The following RADIL variants were observed in gnomAD, a reference collection of about 807,000 sequenced individuals.
RADIL encodes the protein Rap associating with DIL domain.
RADIL carries 99 observed loss-of-function variants against 97.6 expected under a neutral mutation model. That is an observed-to-expected ratio of 1.01 (90% confidence interval 0.86 to 1.20). The LOEUF is 1.20. RADIL is among the 50% of genes most tolerant of loss of function. The probability of loss-of-function intolerance (pLI) is 0.00; values close to 1 mark genes in which losing one functional copy is unlikely to be tolerated. For missense variants in RADIL, 1,765 were observed against 1,498.9 expected (o/e 1.18, Z -2.93); for synonymous variants, 803 against 691.8 (o/e 1.16, Z -2.52).
intron 2 of RADIL, among the ~76,000 whole-genome samples, chr7:4,871,332 G>C (rs996833251): frequency 1.3e-5 from 2 of 152,236 alleles, no homozygotes; most frequent in African/African-American, 4.8e-5. Flanking sequence ...ACCACAAAGA[G>C]GTTTGCGGAC....
chr7:4,848,547 A>G (rs1033230034), intron 2 of RADIL, among the ~76,000 whole-genome samples: 3 of 152,170 alleles, frequency 2.0e-5, no homozygotes, highest in African/African-American at 7.2e-5. Context: ...AAGAATGGAC[A>G]AGCAAGAAGG....
intron 2 of RADIL, among the ~76,000 whole-genome samples, chr7:4,863,884 A>G (rs376148848): frequency 1.6e-4 from 25 of 152,210 alleles, no homozygotes; most frequent in African/African-American, 5.5e-4. Context: ...AGACTGGCCA[A>G]TGCCTCTAGG....
chr7:4,833,853 T>C (rs755226002), intron 4 of RADIL, among the ~76,000 whole-genome samples: 18 of 152,176 alleles, frequency 1.2e-4, no homozygotes, highest in Non-Finnish European at 2.4e-4. Context: ...AGGGCGGTCC[T>C]GCTCACTGGC....
rs760558313 is a variant in RADIL, at chr7:4,816,475, G to C, written c.1729-10C>G. 1 of 1,594,960 alleles carries C rather than the reference G, an allele frequency of 6.3e-7. No individual in the cohort carries two copies. Among genetic ancestry groups the C allele is most frequent in the South Asian group, 1.1e-5 (1 of 89,976 alleles). ...GGCAGATGTACAGGGACTGGCGGGG[G>C]CAAGAGGAGAACAGCAACCAGCATT... On this transcript the variant is annotated splice_polypyrimidine_tract_variant and intron_variant, in intron 7 of 14. Coordinates refer to ENST00000399583, the MANE Select transcript of RADIL (RefSeq NM_018059.5).
rs1050681548 is a variant in RADIL at position 4,835,865 on chromosome 7, C to T, written c.783+493G>A. On this transcript the variant is annotated intron_variant, in intron 3 of 14. Transcript: ENST00000399583. The surrounding 1 kb of genome is among the most constrained non-coding windows in gnomAD (Gnocchi z 5.8). ...CCCTGCGCCTGGCATTTGCTCGGGGCGACAGCCTGCCTGCTCTGATGGAAG... is the reference window on the plus strand; with the variant it reads ...CCCTGCGCCTGGCATTTGCTCGGGGTGACAGCCTGCCTGCTCTGATGGAAG... 2.0e-5 allele frequency among the ~76,000 whole-genome samples: 3 copies of T among 152,208 alleles called. No homozygotes were observed. Among genetic ancestry groups the T allele is most frequent in the Non-Finnish European group, 2.9e-5 (2 of 68,036 alleles).
At position 4,830,893 on chromosome 7, in the gene RADIL, C is replaced by T. The variant is rs542296724; in HGVS notation, c.1454+1248G>A. Among the ~76,000 whole-genome samples the T allele has an allele frequency of 2.5e-4, 38 of 152,024 alleles. No individual in the cohort carries two copies. The East Asian group carries it at 6.4e-3, about 26-fold the overall frequency. On this transcript the variant is annotated intron_variant, in intron 5 of 14. Transcript: ENST00000399583. The stretch of plus-strand genomic sequence containing the variant: ...AAAATTAGCTGGCCGTGGTGGCGGG[C>T]GCCTGTAGTCCCAGCTACTCGGGAG...
chr7:4,878,126 G>T lies in RADIL; in HGVS notation c.14C>A (p.Thr5Lys). 1.3e-6 allele frequency: 2 copies of T among 1,559,294 alleles called. No homozygotes were observed. Among genetic ancestry groups the T allele is most frequent in the Non-Finnish European group, 8.7e-7 (1 of 1,153,036 alleles). Residue 5 changes from threonine to lysine, a missense_variant, in exon 2 of 15, where the codon ACG (threonine) becomes AAG (lysine). By Grantham distance (78) the Thr-to-Lys change is moderately conservative. Coordinates refer to ENST00000399583, the MANE Select transcript of RADIL (RefSeq NM_018059.5). The surrounding 1 kb of genome is among the most constrained non-coding windows in gnomAD (Gnocchi z 4.1). ...GGTGGGCGGGGACATGATGAAGTGC[G>T]TCCCATAAAACATGGTGGGTGAGGC... MFYG[T>K]HFIMSPPTKS...
Position 4,871,603 on chromosome 7 carries a change from C to T in RADIL, c.535+6002G>A, listed in dbSNP as rs375357142. 2.2e-4 allele frequency among the ~76,000 whole-genome samples: 33 copies of T among 152,344 alleles called. 1 individual carries two copies. The East Asian group carries it at 3.9e-3, about 18-fold the overall frequency. The stretch of plus-strand genomic sequence containing the variant: ...GGCAGCCCACCACGCCGCCAGGTGG[C>T]CAGGGCTGCAGGTTCCTCTGTCGCT... On this transcript the variant is annotated intron_variant, in intron 2 of 14. Transcript: ENST00000399583.
rs1180575258 is a variant in RADIL at position 4,797,290 on chromosome 7, T to A, written c.*2088A>T. 1 of 152,294 alleles carries A rather than the reference T, an allele frequency of 6.6e-6. No individual in the cohort carries two copies. Among genetic ancestry groups the A allele is most frequent in the Non-Finnish European group, 1.5e-5 (1 of 68,066 alleles). 9.4% of individuals were successfully genotyped at this position (152,294 alleles called of 1,614,324 possible). On this transcript the variant is annotated 3_prime_UTR_variant, in exon 15 of 15. Coordinates refer to ENST00000399583, the MANE Select transcript of RADIL (RefSeq NM_018059.5). ...TCCTTGGGGTGATGCCAAGAGCTTC[T>A]TTCCATGGATGCTGAGTTCCAGGAG...
intron 2 of RADIL, among the ~76,000 whole-genome samples, chr7:4,838,241 G>A (rs1031394803): frequency 1.3e-5 from 2 of 151,968 alleles, no homozygotes; most frequent in African/African-American, 2.4e-5. Flanking sequence ...TCCCACAAGC[G>A]TTACCAGCCC....
chr7:4,860,376 C>G (rs1291009485), intron 2 of RADIL: 1 of 1,613,964 alleles, frequency 6.2e-7, no homozygotes, highest in Non-Finnish European at 8.5e-7. Flanking sequence ...ATACCCATCT[C>G]AAACATCTTA....
At chr7:4,856,045 G>C (rs995766010) in intron 2 of RADIL, among the ~76,000 whole-genome samples, 1 of 151,818 alleles carries the variant, frequency 6.6e-6, no homozygotes, top group African/African-American at 2.4e-5. Context: ...CTGGCCTCAA[G>C]TGATCCGCTC....
chr7:4,813,109 C>A lies in RADIL; in HGVS notation c.2139+2169G>T. 7.2e-6 allele frequency among the ~76,000 whole-genome samples: 1 copy of A among 139,784 alleles called. No individual in the cohort carries two copies. Among genetic ancestry groups the A allele is most frequent in the East Asian group, 2.0e-4 (1 of 5,118 alleles). 91.7% of individuals were successfully genotyped at this position (139,784 alleles called of 152,430 possible). On this transcript the variant is annotated intron_variant, in intron 9 of 14. Transcript: ENST00000399583. The surrounding 1 kb of genome is among the most constrained non-coding windows in gnomAD (Gnocchi z 5.0). Reference sequence around the variant, plus strand: ...CTCTCTCTCTCTCTCTCTTTCCTTTCTTTCTTTCTTTTCTTTCTTTCATAG... The same window carrying A: ...CTCTCTCTCTCTCTCTCTTTCCTTTATTTCTTTCTTTTCTTTCTTTCATAG...
At chr7:4,812,761 T>G (rs1562432453) in intron 9 of RADIL, among the ~76,000 whole-genome samples, 1 of 152,166 alleles carries the variant, frequency 6.6e-6, no homozygotes, top group Non-Finnish European at 1.5e-5. Context: ...CTGGCTTTAT[T>G]GCTTATCTCA....
chr7:4,799,676 T>TG lies in RADIL; in HGVS notation c.3075_3076insC (p.Ile1026HisfsTer82). The TG allele has an allele frequency of 6.3e-7, 1 of 1,593,966 alleles. No individual in the cohort carries two copies. The highest frequency in any genetic ancestry group is 8.5e-7 in the Non-Finnish European group (1 of 1,171,426). On this transcript the variant is annotated frameshift_variant, in exon 14 of 15. Transcript: ENST00000399583. LOFTEE classifies it high-confidence loss of function. ...AGGCTGCTGCCATTCACCTCCAGGA[T>TG]ACGGTCCCCCAGCGACAGGCGCCCG...
rs868330093 is a variant in RADIL, at chr7:4,817,533, C to T, written c.1616-182G>A. Among the ~76,000 whole-genome samples, 2 of 152,286 alleles carry T rather than the reference C, an allele frequency of 1.3e-5. No homozygotes were observed. The highest frequency in any genetic ancestry group is 3.4e-3 in the Middle Eastern group (1 of 294). On this transcript the variant is annotated intron_variant, in intron 6 of 14. Coordinates refer to ENST00000399583, the MANE Select transcript of RADIL (RefSeq NM_018059.5). This position sits in a 1 kb window ranked among gnomAD's most constrained non-coding sequence, Gnocchi z 8.3. ...GGCTGGGACGAGCGCAGCAAACCTG[C>T]CGCCACTCTTACCTGGGGAGGGGAA... is the stretch of plus-strand genomic sequence containing the variant.
chr7:4,846,707 G>A (rs1783584295), intron 2 of RADIL, among the ~76,000 whole-genome samples: 2 of 151,480 alleles, frequency 1.3e-5, no homozygotes, highest in African/African-American at 4.8e-5. Flanking sequence ...CACCATGCCT[G>A]GCTAATTTTC....
chr7:4,878,716 G>C lies in RADIL; in HGVS notation c.-64-513C>G, dbSNP rs1784422738. Among the ~76,000 whole-genome samples, 1 of 152,252 alleles carries C rather than the reference G, an allele frequency of 6.6e-6. No individual in the cohort carries two copies. Among genetic ancestry groups the C allele is most frequent in the Non-Finnish European group, 1.5e-5 (1 of 68,042 alleles). On this transcript the variant is annotated intron_variant, in intron 1 of 14. Coordinates refer to ENST00000399583, the MANE Select transcript of RADIL (RefSeq NM_018059.5). This position sits in a 1 kb window ranked among gnomAD's most constrained non-coding sequence, Gnocchi z 4.1. The stretch of plus-strand genomic sequence containing the variant: ...TGGGAAACACAATGAGGTCGCCTAA[G>C]TAAGACACGCTCCGCTGCAGGGCTT...
chr7:4,847,323 A>AAAC (rs55650504), intron 2 of RADIL, among the ~76,000 whole-genome samples: 13,621 of 152,146 alleles, frequency 0.09, 721 homozygotes, highest in South Asian at 0.14. Flanking sequence ...CCGTCTCACC[A>AAAC]AACAACAACA....
Sources: allele counts gnomAD v4.1 joint callset (sites outside exome capture counted in the v4.1 genomes callset), GRCh38; gene constraint gnomAD v4.1.1; non-coding constraint Gnocchi (gnomAD v3.1); transcripts MANE v1.5; gene names NCBI Gene and HGNC (gene_info 2026-07-23, HGNC 2026-07-21).